The following DLGAP1 variants were observed in gnomAD, a reference collection of about 807,000 sequenced individuals.
The protein encoded by DLGAP1 is disks large-associated protein 1.
A neutral mutation model predicts 90.8 loss-of-function variants in DLGAP1; 11 were observed. The observed-to-expected ratio is 0.12, with a 90% CI of 0.08 to 0.20. The LOEUF (loss-of-function observed/expected upper bound fraction) is 0.20, where lower values mean the gene tolerates loss of function less well. Ranked by LOEUF, DLGAP1 falls within the 10% of genes least tolerant of loss-of-function variation. DLGAP1 has a pLI of 1.00. For missense variants in DLGAP1, 1,050 were observed against 1,333.8 expected, an observed-to-expected ratio of 0.79 and a Z score of 3.31; for synonymous variants, 558 against 540.7, an observed-to-expected ratio of 1.03 and a Z score of -0.44.
At chr18:3,772,447 CCCCCA>C (rs2064720039) in intron 5 of DLGAP1, among the ~76,000 whole-genome samples, 1 of 59,730 alleles carries the variant, frequency 1.7e-5, no homozygotes, top group Non-Finnish European at 3.5e-5. Flanking sequence ...CCCTCCCTCC[CCCCCA>C]CCCCCCTCTT....
intron 9 of DLGAP1, among the ~76,000 whole-genome samples, chr18:3,550,034 C>G (rs2053294782): frequency 6.6e-6 from 1 of 152,176 alleles, no homozygotes; most frequent in Non-Finnish European, 1.5e-5. Context: ...CTGCCTCATC[C>G]TCCCAAGTAG....
In DLGAP1 at chr18:4,454,824, G is replaced by A. The variant is rs1241109036; in HGVS notation, c.-267+182C>T. On this transcript the variant is annotated intron_variant, in intron 1 of 12. Transcript: ENST00000315677. This position sits in a 1 kb window ranked among gnomAD's most constrained non-coding sequence, Gnocchi z 4.7. ...CCCGGAGGGCCCGGGAGTGCACCCC[G>A]GGCGGCTGAAAGGGTAAGGAGCGCG... Among the ~76,000 whole-genome samples, 1 of 151,596 alleles carries A rather than the reference G, an allele frequency of 6.6e-6. No homozygotes were observed. The highest frequency in any genetic ancestry group is 2.0e-4 in the East Asian group (1 of 5,058).
rs1445633257 is a variant in DLGAP1, at chr18:3,600,809, GATATAT to G, written c.1592-18567_1592-18562del. On this transcript the variant is annotated intron_variant, in intron 7 of 12. Transcript: ENST00000315677. The stretch of plus-strand genomic sequence containing the variant: ...ATATATATAGATATATAGATATATA[GATATAT>G]ATAGATATATAGATATATATAGATA... 1.7e-3 allele frequency among the ~76,000 whole-genome samples: 82 copies of G among 47,534 alleles called. 3 individuals carry two copies. Among genetic ancestry groups the G allele is most frequent in the African/African-American group, 0.01 (72 of 7,172 alleles). The allele number at this position is 47,534 out of a possible 152,430, so 31.2% of individuals were successfully genotyped here. A position where few individuals can be genotyped will look rare whatever the true frequency, so the allele number is the denominator to read the frequency against.
chr18:4,156,439 C>T (rs891136412), intron 1 of DLGAP1, among the ~76,000 whole-genome samples: 2 of 152,066 alleles, frequency 1.3e-5, no homozygotes, highest in Non-Finnish European at 2.9e-5. Context: ...TGTTTCCTGC[C>T]GTTATTTAAA....
At chr18:3,583,346 C>G (rs995349031) in intron 7 of DLGAP1, among the ~76,000 whole-genome samples, 1 of 151,650 alleles carries the variant, frequency 6.6e-6, no homozygotes, top group Non-Finnish European at 1.5e-5. Context: ...TTTTCCTTCT[C>G]TCTCTCTCTC....
In DLGAP1 at chr18:4,184,365, C is replaced by T. The variant is rs141791004; in HGVS notation, c.-266-33078G>A. 2.5e-4 allele frequency among the ~76,000 whole-genome samples: 38 copies of T among 152,172 alleles called. No individual in the cohort carries two copies. In the East Asian group the frequency reaches 7.1e-3, roughly 29 times the overall value. On this transcript the variant is annotated intron_variant, in intron 1 of 12. Transcript: ENST00000315677. ...AGATAAAGATCATTTTGTTGGTTGA[C>T]CAGATAACTAGGTCTTTCCTGGCTA... is the stretch of plus-strand genomic sequence containing the variant.
intron 5 of DLGAP1, among the ~76,000 whole-genome samples, chr18:3,772,364 C>CT (rs1297720389): frequency 9.7e-5 from 1 of 10,316 alleles, no homozygotes. Context: ...TTCTTTCTTT[C>CT]TTTCTTTCTT....
At position 3,581,893 on chromosome 18, in the gene DLGAP1, G is replaced by C; in HGVS notation, c.1947C>G (p.Cys649Trp). The change falls in exon 8 of 13, where the codon TGC (cysteine) becomes TGG (tryptophan). Residue 649 changes from cysteine (C) to tryptophan (W), a missense_variant. Cys to Trp is a radical substitution (Grantham distance 215). Around this residue, in one of 2 missense-constraint regions of DLGAP1, gnomAD observed 565 missense variants for 879.7 expected, o/e 0.64. Transcript: ENST00000315677. ...RKKDHFKKNRCLSIGIQVDDA... is the reference protein window; with the variant it reads ...RKKDHFKKNRWLSIGIQVDDA... The stretch of plus-strand genomic sequence containing the variant: ...CTGTTACCTGTATCCCGATAGACAG[G>C]CATCGATTTTTCTTAAAGTGGTCCT... The C allele has an allele frequency of 6.2e-7, 1 of 1,614,112 alleles. No individual in the cohort carries two copies.
intron 7 of DLGAP1, among the ~76,000 whole-genome samples, chr18:3,724,904 CAAA>C (rs35207660): frequency 2.3e-5 from 3 of 132,232 alleles, no homozygotes; most frequent in Admixed American, 7.3e-5. Context: ...AACTCTGTCT[CAAA>C]AAAAAAAAAA....
At chr18:4,278,236 G>C (rs1036029568) in intron 1 of DLGAP1, among the ~76,000 whole-genome samples, 12 of 152,222 alleles carry the variant, frequency 7.9e-5, no homozygotes, top group South Asian at 4.1e-4. Flanking sequence ...AACTAAATGA[G>C]TATTATGGTC....
rs2144344527 is a variant in DLGAP1 at position 4,383,614 on chromosome 18, G to T, written c.-267+71392C>A. On this transcript the variant is annotated intron_variant, in intron 1 of 12. Coordinates refer to ENST00000315677, the MANE Select transcript of DLGAP1 (RefSeq NM_004746.4). The surrounding 1 kb of genome is among the most constrained non-coding windows in gnomAD (Gnocchi z 4.0). ...AAAAAAAAGGGATGTTTACCTATGAGAATCAAGTAGAACTGCTTTCTGACT... is the reference window on the plus strand; with the variant it reads ...AAAAAAAAGGGATGTTTACCTATGATAATCAAGTAGAACTGCTTTCTGACT... Among the ~76,000 whole-genome samples, 1 of 152,098 alleles carries T rather than the reference G, an allele frequency of 6.6e-6. No homozygotes were observed. The highest frequency in any genetic ancestry group is 1.5e-5 in the Non-Finnish European group (1 of 67,968).
At chr18:3,524,182 G>A (rs2051449608) in intron 10 of DLGAP1, among the ~76,000 whole-genome samples, 2 of 151,974 alleles carry the variant, frequency 1.3e-5, no homozygotes, top group South Asian at 2.1e-4. Context: ...GACTGAGGTG[G>A]GAGAACTGAT....
At chr18:3,709,780 C>T (rs1418305298) in intron 7 of DLGAP1, among the ~76,000 whole-genome samples, 2 of 152,152 alleles carry the variant, frequency 1.3e-5, no homozygotes, top group South Asian at 2.1e-4. Flanking sequence ...TCAGTGTTTG[C>T]GGGACTGAAG....
intron 5 of DLGAP1, among the ~76,000 whole-genome samples, chr18:3,757,401 T>A (rs1329654890): frequency 6.6e-6 from 1 of 151,996 alleles, no homozygotes; most frequent in Non-Finnish European, 1.5e-5. Context: ...AGAGCGAGAC[T>A]CCACCTCAAA....
At chr18:3,508,715 T>C (rs2050376500) in intron 10 of DLGAP1, 54 bp from the exon 11 acceptor site, 1 of 1,446,694 alleles carries the variant, frequency 6.9e-7, no homozygotes, top group African/African-American at 1.4e-5. Context: ...TTGTTGAGAT[T>C]TAGTCTGGTA....
chr18:3,835,215 A>G (rs959266982), intron 4 of DLGAP1, among the ~76,000 whole-genome samples: 13 of 152,188 alleles, frequency 8.5e-5, no homozygotes, highest in Admixed American at 2.6e-4. Context: ...GCAGCCCTAT[A>G]CTTAAAAATA....
At chr18:4,334,891 A>G (rs2081036341) in intron 1 of DLGAP1, among the ~76,000 whole-genome samples, 2 of 151,916 alleles carry the variant, frequency 1.3e-5, no homozygotes, top group African/African-American at 4.9e-5. Context: ...GTCTTTGGAG[A>G]AAATAAAAGG....
At chr18:4,381,206 G>T (rs946528416) in intron 1 of DLGAP1, among the ~76,000 whole-genome samples, 1 of 152,066 alleles carries the variant, frequency 6.6e-6, no homozygotes, top group Admixed American at 6.6e-5. Context: ...ACTTTGTATG[G>T]CCATTCTTCT....
At chr18:3,676,200 A>G (rs1462092743) in intron 7 of DLGAP1, among the ~76,000 whole-genome samples, 1 of 152,214 alleles carries the variant, frequency 6.6e-6, no homozygotes, top group Non-Finnish European at 1.5e-5. Context: ...AAGATGGCGC[A>G]GCCCAAGGAG....
Sources: allele counts gnomAD v4.1 joint callset (sites outside exome capture counted in the v4.1 genomes callset), GRCh38; gene constraint gnomAD v4.1.1; regional missense constraint gnomAD v4.1.1; non-coding constraint Gnocchi (gnomAD v3.1); transcripts MANE v1.5; gene names NCBI Gene and HGNC (gene_info 2026-07-23, HGNC 2026-07-21).